ETV6: variants seen among roughly 807,000 people sequenced by gnomAD.
ETV6 encodes the protein transcription factor ETV6.
In ETV6, 16 loss-of-function variants were observed where a neutral mutation model predicts 51.1. The ratio of observed to expected loss-of-function variants is 0.31; its 90% CI spans 0.21 to 0.48. The LOEUF is 0.48. ETV6 is among the 20% of genes least tolerant of loss of function. ETV6 has a pLI of 0.99. For synonymous variants in ETV6, 240 were observed against 224.1 expected, an observed-to-expected ratio of 1.07 and a Z score of -0.64; for missense variants, 458 against 594.8, an observed-to-expected ratio of 0.77 and a Z score of 2.39.
chr12:11,653,832 G>A (rs770121821), intron 1 of ETV6, among the ~76,000 whole-genome samples: 30 of 151,578 alleles, frequency 2.0e-4, no homozygotes, highest in Admixed American at 3.9e-4. Context: ...TTTTTTTTTG[G>A]AGACAGAGTC....
intron 4 of ETV6, among the ~76,000 whole-genome samples, chr12:11,866,117 C>T (rs1172020215): frequency 1.3e-5 from 2 of 152,032 alleles, no homozygotes; most frequent in African/African-American, 4.8e-5. Flanking sequence ...CTTCTCTCAT[C>T]TCCGTTCTGC....
At chr12:11,650,903 G>T (rs578100904) in intron 1 of ETV6, among the ~76,000 whole-genome samples, 1 of 152,356 alleles carries the variant, frequency 6.6e-6, no homozygotes, top group African/African-American at 2.4e-5. Context: ...GTGTTTGACA[G>T]TGCAGAGAGG....
At chr12:11,890,586 C>T (rs1591754712) in intron 7 of ETV6, among the ~76,000 whole-genome samples, 1 of 135,540 alleles carries the variant, frequency 7.4e-6, no homozygotes, top group South Asian at 2.4e-4. Context: ...CACCACCGTA[C>T]CCAGATTTTT....
chr12:11,844,877 G>A (rs1034465610), intron 3 of ETV6, among the ~76,000 whole-genome samples: 1 of 151,912 alleles, frequency 6.6e-6, no homozygotes, highest in Non-Finnish European at 1.5e-5. Flanking sequence ...CTGTCGCCAG[G>A]CTGGAGTGCA....
At chr12:11,699,764 G>A (rs1864944010) in intron 1 of ETV6, among the ~76,000 whole-genome samples, 1 of 152,048 alleles carries the variant, frequency 6.6e-6, no homozygotes, top group African/African-American at 2.4e-5. Flanking sequence ...TCTGTGTTAT[G>A]TAAAATGTAG....
intron 2 of ETV6, among the ~76,000 whole-genome samples, chr12:11,767,732 T>G (rs1337903583): frequency 2.0e-5 from 3 of 152,236 alleles, no homozygotes; most frequent in Admixed American, 2.0e-4. Context: ...TAGCAGCTGT[T>G]TATAGGATTT....
chr12:11,655,318 G>T (rs554176343), intron 1 of ETV6, among the ~76,000 whole-genome samples: 45 of 152,264 alleles, frequency 3.0e-4, no homozygotes, highest in African/African-American at 1.1e-3. Flanking sequence ...TTAGATGTGT[G>T]TTGGGAACCA....
Position 11,893,198 on chromosome 12 carries a change from G to A in ETV6, c.*2152G>A, listed in dbSNP as rs143501237. ...GATTAAGCCAAATACCTGATGTATT[G>A]TGAAAGCCACTGATTTTAAGAATGG... On this transcript the variant is annotated 3_prime_UTR_variant, in exon 8 of 8. Coordinates refer to ENST00000396373, the MANE Select transcript of ETV6 (RefSeq NM_001987.5). 7 of 232,612 alleles carry A rather than the reference G, an allele frequency of 3.0e-5. No individual in the cohort carries two copies. The highest frequency in any genetic ancestry group is 5.9e-5 in the Non-Finnish European group (7 of 117,758). 14.4% of individuals were successfully genotyped at this position (232,612 alleles called of 1,614,324 possible).
chr12:11,840,765 A>G (rs1235922684), intron 3 of ETV6: 1 of 303,610 alleles, frequency 3.3e-6, no homozygotes, highest in East Asian at 8.2e-5. Context: ...TGGAAGGGAC[A>G]CAAACATACC....
At chr12:11,753,521 C>A (rs1866079711) in intron 2 of ETV6, among the ~76,000 whole-genome samples, 1 of 152,226 alleles carries the variant, frequency 6.6e-6, no homozygotes, top group African/African-American at 2.4e-5. Context: ...CTTGGCCCTT[C>A]CAGTGACTTA....
intron 4 of ETV6, among the ~76,000 whole-genome samples, chr12:11,859,788 G>A (rs1175891798): frequency 6.6e-6 from 1 of 152,170 alleles, no homozygotes; most frequent in Non-Finnish European, 1.5e-5. Context: ...AAGACGAGTA[G>A]CAGTAGTGGA....
intron 1 of ETV6, among the ~76,000 whole-genome samples, chr12:11,719,913 G>C (rs1035029269): frequency 4.6e-5 from 7 of 152,196 alleles, no homozygotes; most frequent in Admixed American, 2.6e-4. Context: ...GGCTTCTGCT[G>C]TCTGGGCTCC....
rs1491150397 is a variant in ETV6 at position 11,650,501 on chromosome 12, AAC to A, written c.33+343_33+344del. On this transcript the variant is annotated intron_variant, in intron 1 of 7. Coordinates refer to ENST00000396373, the MANE Select transcript of ETV6 (RefSeq NM_001987.5). The stretch of plus-strand genomic sequence containing the variant: ...GCGCTTAAAAAAAAAAAAAACAAAA[AAC>A]AAAAAAAAAAAACCTGCTCCCTATT... 1.5e-3 allele frequency among the ~76,000 whole-genome samples: 123 copies of A among 80,154 alleles called. 13 individuals are homozygous for A. Among genetic ancestry groups the A allele is most frequent in the Middle Eastern group, 0.01 (2 of 198 alleles). The allele number at this position is 80,154 out of a possible 152,430, so 52.6% of individuals were successfully genotyped here. A position where few individuals can be genotyped will look rare whatever the true frequency, so the allele number is the denominator to read the frequency against.
intron 1 of ETV6, among the ~76,000 whole-genome samples, chr12:11,714,267 C>A (rs952472302): frequency 6.6e-6 from 1 of 152,126 alleles, no homozygotes; most frequent in Non-Finnish European, 1.5e-5. Flanking sequence ...GATTTGGCCT[C>A]CCCACATTTT....
rs1324493841 is a variant in ETV6, at chr12:11,894,618, G to C, written c.*3572G>C. ...TTGTCCAAATGAGAATGTCGCTTTA[G>C]CTGAAATTCAAATGGCTGTGACAAT... On this transcript the variant is annotated 3_prime_UTR_variant, in exon 8 of 8. Transcript: ENST00000396373. 1 of 233,144 alleles carries C rather than the reference G, an allele frequency of 4.3e-6. No individual in the cohort carries two copies. Among genetic ancestry groups the C allele is most frequent in the Non-Finnish European group, 8.5e-6 (1 of 118,040 alleles). 14.4% of individuals were successfully genotyped at this position (233,144 alleles called of 1,614,324 possible).
intron 2 of ETV6, among the ~76,000 whole-genome samples, chr12:11,787,530 G>A (rs1054448116): frequency 4.6e-5 from 7 of 152,034 alleles, no homozygotes; most frequent in Admixed American, 4.6e-4. Context: ...CATTATATGG[G>A]TAACATTTCT....
At chr12:11,673,226 C>A (rs1036480507) in intron 1 of ETV6, among the ~76,000 whole-genome samples, 1 of 151,938 alleles carries the variant, frequency 6.6e-6, no homozygotes, top group African/African-American at 2.4e-5. Context: ...GCTTTCTGAG[C>A]AGGTGGGAGT....
At chr12:11,739,482 A>C (rs1038098505) in intron 1 of ETV6, among the ~76,000 whole-genome samples, 2 of 152,222 alleles carry the variant, frequency 1.3e-5, no homozygotes, top group Non-Finnish European at 2.9e-5. Context: ...AACACAGTTC[A>C]GTTGTTAAAA....
At chr12:11,667,367 T>C (rs1864214124) in intron 1 of ETV6, among the ~76,000 whole-genome samples, 1 of 152,118 alleles carries the variant, frequency 6.6e-6, no homozygotes, top group Admixed American at 6.5e-5. Flanking sequence ...CCCCTCCCTT[T>C]ACAGCCTTAC....
Sources: allele counts gnomAD v4.1 joint callset (sites outside exome capture counted in the v4.1 genomes callset), GRCh38; gene constraint gnomAD v4.1.1; transcripts MANE v1.5; gene names NCBI Gene and HGNC (gene_info 2026-07-23, HGNC 2026-07-21).